Variants in SNTG1 observed in about 807,000 individuals in gnomAD.
The protein encoded by SNTG1 is gamma-1-syntrophin.
A neutral mutation model predicts 74.7 loss-of-function variants in SNTG1; 39 were observed. The ratio of observed to expected loss-of-function variants is 0.52; its 90% CI spans 0.40 to 0.68. SNTG1 has a LOEUF of 0.68. Among genes scored for constraint, SNTG1 ranks in the 30% least tolerant of loss-of-function variants. The probability of loss-of-function intolerance (pLI) is 0.00; values close to 1 mark genes in which losing one functional copy is unlikely to be tolerated. For synonymous variants in SNTG1, 254 were observed against 217.1 expected, an observed-to-expected ratio of 1.17 and a Z score of -1.49; for missense variants, 685 against 609.5, an observed-to-expected ratio of 1.12 and a Z score of -1.30.
rs201341360 is a variant in SNTG1, at chr8:50,701,618, C to CTTCTTCTTCTTCCTCTT, written c.1039-2982_1039-2981insTTCTTCTTCTTCCTCTT. On this transcript the variant is annotated intron_variant, in intron 15 of 18. Transcript: ENST00000642720. ...TCTTCTTCTTCTTCTTCTTCTTCTT[C>CTTCTTCTTCTTCCTCTT]GTGTTCCTCTTCCTCTTCTTCTTCC... is the stretch of plus-strand genomic sequence containing the variant. Among the ~76,000 whole-genome samples the CTTCTTCTTCTTCCTCTT allele has an allele frequency of 1.4e-3, 186 of 136,980 alleles. 2 individuals carry two copies. The highest frequency in any genetic ancestry group is 1.9e-3 in the Non-Finnish European group (126 of 66,162). The allele number at this position is 136,980 out of a possible 152,430, so 89.9% of individuals were successfully genotyped here.
At chr8:50,165,049 TCC>T (rs1294996167) in intron 1 of SNTG1, among the ~76,000 whole-genome samples, 2 of 152,122 alleles carry the variant, frequency 1.3e-5, no homozygotes, top group Non-Finnish European at 2.9e-5. Flanking sequence ...ATCTTTCATC[TCC>T]CACACACACA....
intron 17 of SNTG1, among the ~76,000 whole-genome samples, chr8:50,712,609 A>T (rs1585617020): frequency 1.3e-5 from 2 of 152,106 alleles, no homozygotes; most frequent in South Asian, 2.1e-4. Context: ...TCTAGGTTTT[A>T]ACCCCCACCT....
chr8:50,395,827 T>C (rs1466565050), intron 3 of SNTG1, among the ~76,000 whole-genome samples: 1 of 152,116 alleles, frequency 6.6e-6, no homozygotes, highest in African/African-American at 2.4e-5. Flanking sequence ...TGGTTTTAAT[T>C]GCATACTTAA....
intron 16 of SNTG1, chr8:50,708,399 G>C (rs2095451273): frequency 6.5e-6 from 1 of 154,208 alleles, no homozygotes; most frequent in Non-Finnish European, 1.4e-5. Context: ...CTTTTGGCTT[G>C]GTTACTGAAT....
At chr8:50,681,563 G>C (rs970902777) in intron 15 of SNTG1, among the ~76,000 whole-genome samples, 14 of 152,086 alleles carry the variant, frequency 9.2e-5, no homozygotes, top group African/African-American at 2.9e-4. Context: ...GTGTAAAACT[G>C]ACAACAATGC....
At chr8:50,161,265 T>C (rs575306275) in intron 1 of SNTG1, among the ~76,000 whole-genome samples, 4 of 152,200 alleles carry the variant, frequency 2.6e-5, no homozygotes, top group Non-Finnish European at 5.9e-5. Flanking sequence ...GATCAGTTTT[T>C]CATGATTATG....
At chr8:49,914,147 G>C (rs570719337) in intron 1 of SNTG1, among the ~76,000 whole-genome samples, 1 of 152,228 alleles carries the variant, frequency 6.6e-6, no homozygotes, top group East Asian at 1.9e-4. Context: ...TAATTGTAAA[G>C]TAGATAGTCA....
intron 1 of SNTG1, among the ~76,000 whole-genome samples, chr8:49,977,552 A>G (rs936091685): frequency 2.6e-5 from 4 of 152,218 alleles, no homozygotes; most frequent in Non-Finnish European, 5.9e-5. Flanking sequence ...AAAGTTAAGT[A>G]GGAAAACAGA....
intron 15 of SNTG1, among the ~76,000 whole-genome samples, chr8:50,679,978 G>A (rs2095324755): frequency 6.6e-6 from 1 of 152,088 alleles, no homozygotes. Flanking sequence ...GACCTTACCT[G>A]GCCTCCCTTG....
chr8:50,089,875 A>G (rs1181241866), intron 1 of SNTG1, among the ~76,000 whole-genome samples: 1 of 152,204 alleles, frequency 6.6e-6, no homozygotes, highest in Non-Finnish European at 1.5e-5. Flanking sequence ...TAGAACTAGA[A>G]ATACCATTTG....
chr8:50,640,781 A>G (rs1448963759), intron 13 of SNTG1, among the ~76,000 whole-genome samples: 2 of 152,052 alleles, frequency 1.3e-5, no homozygotes, highest in East Asian at 3.9e-4. Flanking sequence ...TTCAAACCCC[A>G]CACCTTGTCA....
intron 12 of SNTG1, among the ~76,000 whole-genome samples, chr8:50,577,762 G>T (rs1168259864): frequency 1.3e-5 from 2 of 152,140 alleles, no homozygotes; most frequent in Non-Finnish European, 2.9e-5. Flanking sequence ...TTGTTGCACT[G>T]CTGTTCTTTT....
chr8:50,160,299 A>C (rs2082375049), intron 1 of SNTG1, among the ~76,000 whole-genome samples: 1 of 152,198 alleles, frequency 6.6e-6, no homozygotes, highest in Non-Finnish European at 1.5e-5. Context: ...AATATCTGAA[A>C]TTTTTGTGTT....
At chr8:50,195,768 G>A (rs1394634728) in intron 2 of SNTG1, among the ~76,000 whole-genome samples, 1 of 152,168 alleles carries the variant, frequency 6.6e-6, no homozygotes, top group African/African-American at 2.4e-5. Flanking sequence ...CACTTCTGCA[G>A]TTGTATTTGG....
At chr8:49,969,687 A>T (rs1056850956) in intron 1 of SNTG1, among the ~76,000 whole-genome samples, 1 of 152,018 alleles carries the variant, frequency 6.6e-6, no homozygotes, top group Non-Finnish European at 1.5e-5. Context: ...GTGAGTCACC[A>T]TGCCTCGCCA....
chr8:50,509,348 G>A (rs150946185), intron 9 of SNTG1, among the ~76,000 whole-genome samples: 20,502 of 152,178 alleles, frequency 0.13, 1,463 homozygotes, highest in Middle Eastern at 0.17. Flanking sequence ...GTCAGGTAGC[G>A]TGATGCCTCC....
chr8:50,083,985 C>A (rs1017106135), intron 1 of SNTG1, among the ~76,000 whole-genome samples: 1 of 152,114 alleles, frequency 6.6e-6, no homozygotes, highest in Non-Finnish European at 1.5e-5. Context: ...TAATTTAGAA[C>A]CTCTTTCAAT....
intron 2 of SNTG1, among the ~76,000 whole-genome samples, chr8:50,305,005 C>A (rs1417448295): frequency 2.0e-5 from 3 of 152,138 alleles, no homozygotes; most frequent in Admixed American, 1.3e-4. Context: ...CAGGTTCAAG[C>A]GATTCTCCTA....
intron 15 of SNTG1, among the ~76,000 whole-genome samples, chr8:50,692,864 G>A (rs2095387769): frequency 6.6e-6 from 1 of 152,234 alleles, no homozygotes; most frequent in Admixed American, 6.5e-5. Context: ...GCCTACAGAG[G>A]CAGGCAGGCC....
Sources: gnomAD v4.1 joint callset for allele counts (sites outside exome capture counted in the v4.1 genomes callset) on GRCh38, gnomAD v4.1.1 for gene constraint, MANE v1.5 for transcripts, NCBI Gene and HGNC (gene_info 2026-07-23, HGNC 2026-07-21) for gene names.